The following SIK3 variants were observed in gnomAD, a reference collection of about 807,000 sequenced individuals.
SIK3 encodes the protein SIK family kinase 3, also known as serine/threonine-protein kinase SIK3.
SIK3 carries 28 observed loss-of-function variants against 144.2 expected under a neutral mutation model. The ratio of observed to expected loss-of-function variants is 0.19; its 90% CI spans 0.14 to 0.27. The LOEUF is 0.27. Ranked by LOEUF, SIK3 falls within the 10% of genes least tolerant of loss-of-function variation. SIK3 has a pLI of 1.00. For missense variants in SIK3, 1,319 were observed against 1,776.0 expected (o/e 0.74, Z 4.62); for synonymous variants, 686 against 676.3 (o/e 1.01, Z -0.22).
rs536885334 is a variant in SIK3 at position 117,010,915 on chromosome 11, T to C, written c.274-53851A>G. Among the ~76,000 whole-genome samples the C allele has an allele frequency of 7.4e-4, 112 of 152,194 alleles. 1 individual carries two copies. The highest frequency in any genetic ancestry group is 3.4e-3 in the Middle Eastern group (1 of 294). ...TGGCTGGGTCACTGGAGCTCTGAAG[T>C]TCGAGACCAGCCTGGCCAACATGGA... On this transcript the variant is annotated intron_variant, in intron 1 of 24. Coordinates refer to ENST00000445177, the MANE Select transcript of SIK3 (RefSeq NM_001366686.3).
At chr11:117,018,200 C>T (rs988900807) in intron 1 of SIK3, among the ~76,000 whole-genome samples, 2 of 152,106 alleles carry the variant, frequency 1.3e-5, no homozygotes, top group African/African-American at 4.8e-5. Flanking sequence ...CACCAAATTA[C>T]ACACACACTC....
intron 1 of SIK3, among the ~76,000 whole-genome samples, chr11:117,013,915 G>GTGTGT (rs1951392293): frequency 4.2e-5 from 1 of 23,618 alleles, no homozygotes; most frequent in Non-Finnish European, 1.3e-4. Flanking sequence ...GGGGGGGGAG[G>GTGTGT]GTGTGTGTGT....
chr11:116,958,066 T>C (rs188251776), intron 1 of SIK3, among the ~76,000 whole-genome samples: 42 of 152,324 alleles, frequency 2.8e-4, no homozygotes, highest in Non-Finnish European at 5.1e-4. Context: ...GTTTCAATTA[T>C]GTAATCAGTA....
intron 1 of SIK3, among the ~76,000 whole-genome samples, chr11:117,043,575 A>G (rs1405480057): frequency 6.6e-6 from 1 of 152,248 alleles, no homozygotes; most frequent in Non-Finnish European, 1.5e-5. Flanking sequence ...TGAACTCTTC[A>G]TAATCCTGCT....
chr11:117,057,108 T>C (rs1035049500), intron 1 of SIK3, among the ~76,000 whole-genome samples: 1 of 152,226 alleles, frequency 6.6e-6, no homozygotes, highest in African/African-American at 2.4e-5. Flanking sequence ...TATCGTTCAA[T>C]ATCAAAATTA....
At chr11:116,866,639 A>C (rs1223365737) in intron 15 of SIK3, among the ~76,000 whole-genome samples, 2 of 151,988 alleles carry the variant, frequency 1.3e-5, no homozygotes, top group Non-Finnish European at 2.9e-5. Flanking sequence ...ATGGGGTTTC[A>C]CCATATTGGC....
intron 3 of SIK3, among the ~76,000 whole-genome samples, chr11:116,940,097 G>A (rs1948202574): frequency 6.6e-6 from 1 of 152,132 alleles, no homozygotes; most frequent in Non-Finnish European, 1.5e-5. Flanking sequence ...AACTGATATT[G>A]AATTTACTTT....
intron 14 of SIK3, among the ~76,000 whole-genome samples, chr11:116,868,488 G>C (rs1038346245): frequency 2.0e-5 from 3 of 152,200 alleles, no homozygotes; most frequent in African/African-American, 7.2e-5. Flanking sequence ...TCCTAGAGAT[G>C]AACCTGGGGA....
intron 1 of SIK3, among the ~76,000 whole-genome samples, chr11:117,039,512 T>C (rs1183019808): frequency 2.6e-5 from 4 of 152,232 alleles, no homozygotes; most frequent in Non-Finnish European, 4.4e-5. Context: ...CAATGTACAC[T>C]ACAATTCTCA....
In SIK3 at chr11:116,849,397, A is replaced by G; in HGVS notation, c.3656-114T>C. ...ATGGGCAAGGCTGAGGAGATCATGT[A>G]CACCAACCGCTGATCCTCAGCCGGC... On this transcript the variant is annotated intron_variant, in intron 21 of 24. Transcript: ENST00000445177. This position sits in a 1 kb window ranked among gnomAD's most constrained non-coding sequence, Gnocchi z 4.2. 8.0e-7 allele frequency: 1 copy of G among 1,252,430 alleles called. No homozygotes were observed. Among genetic ancestry groups the G allele is most frequent in the Middle Eastern group, 2.3e-4 (1 of 4,414 alleles). 77.6% of individuals were successfully genotyped at this position (1,252,430 alleles called of 1,614,324 possible). A position where few individuals can be genotyped will look rare whatever the true frequency, so the allele number is the denominator to read the frequency against.
chr11:117,085,224 C>T (rs1954954555), intron 1 of SIK3, among the ~76,000 whole-genome samples: 1 of 152,070 alleles, frequency 6.6e-6, no homozygotes, highest in Non-Finnish European at 1.5e-5. Context: ...TCAAGCAATC[C>T]TCCCAGCTCA....
intron 4 of SIK3, among the ~76,000 whole-genome samples, chr11:116,917,657 T>C (rs918672374): frequency 6.6e-6 from 1 of 150,670 alleles, no homozygotes; most frequent in African/African-American, 2.5e-5. Flanking sequence ...TACAGTGAGC[T>C]ATGACTGCAC....
intron 2 of SIK3, 142 bp from the exon 3 acceptor site, chr11:116,954,249 A>G (rs549071002): frequency 1.2e-4 from 79 of 645,738 alleles, no homozygotes; most frequent in African/African-American, 1.1e-3. Flanking sequence ...TTTTGGGGAA[A>G]CAAATATAAA....
chr11:116,866,508 C>T (rs897643430), intron 15 of SIK3, among the ~76,000 whole-genome samples: 2 of 152,098 alleles, frequency 1.3e-5, no homozygotes, highest in African/African-American at 4.8e-5. Flanking sequence ...GTGGCATGAT[C>T]TCGGCTCACT....
chr11:116,888,549 CT>C (rs1349374902), intron 6 of SIK3, among the ~76,000 whole-genome samples: 2 of 152,204 alleles, frequency 1.3e-5, no homozygotes. Flanking sequence ...ATGCCTTATC[CT>C]TTTGAAGTAT....
intron 1 of SIK3, among the ~76,000 whole-genome samples, chr11:117,007,419 G>T (rs1279888900): frequency 6.6e-6 from 1 of 152,148 alleles, no homozygotes; most frequent in Admixed American, 6.5e-5. Flanking sequence ...ACAATATTTT[G>T]GTGAACTAAA....
intron 4 of SIK3, among the ~76,000 whole-genome samples, chr11:116,899,452 T>C (rs573634305): frequency 5.9e-5 from 9 of 152,316 alleles, no homozygotes; most frequent in African/African-American, 1.9e-4. Flanking sequence ...AATTTTTATG[T>C]TATATTTACT....
chr11:116,912,868 T>A (rs1946418528), intron 4 of SIK3, among the ~76,000 whole-genome samples: 1 of 152,194 alleles, frequency 6.6e-6, no homozygotes, highest in South Asian at 2.1e-4. Context: ...ATTAGAAATG[T>A]TGCTGCTAGA....
At position 116,844,681 on chromosome 11, in the gene SIK3, A is replaced by G. The variant is rs1199946655; in HGVS notation, c.*962T>C. 9 of 124,212 alleles carry G rather than the reference A, an allele frequency of 7.2e-5. No homozygotes were observed. In the East Asian group the frequency reaches 1.7e-3, roughly 23 times the overall value. The allele number at this position is 124,212 out of a possible 1,614,324, so 7.7% of individuals were successfully genotyped here. ...TAATATATATATACACATATATTAT[A>G]TTATATATATACACACATATATAAT... is the stretch of plus-strand genomic sequence containing the variant. On this transcript the variant is annotated 3_prime_UTR_variant, in exon 25 of 25. Transcript: ENST00000445177.
Sources: gnomAD v4.1 joint callset for allele counts (sites outside exome capture counted in the v4.1 genomes callset) on GRCh38, gnomAD v4.1.1 for gene constraint, Gnocchi (gnomAD v3.1) non-coding constraint, MANE v1.5 for transcripts, NCBI Gene and HGNC (gene_info 2026-07-23, HGNC 2026-07-21) for gene names.